The following IL36A variants were observed in gnomAD, a reference collection of about 807,000 sequenced individuals.
IL36A encodes the protein interleukin-36 alpha.
A neutral mutation model predicts 12.7 loss-of-function variants in IL36A; 13 were observed. That is an observed-to-expected ratio of 1.02 (90% CI 0.67 to 1.63). The LOEUF (loss-of-function observed/expected upper bound fraction) is 1.63. Ranked by LOEUF, IL36A falls within the 40% of genes most tolerant of loss-of-function variation. The pLI is 0.00. For synonymous variants in IL36A, 73 were observed against 71.9 expected (o/e 1.01, Z -0.08); for missense variants, 195 against 192.9 (o/e 1.01, Z -0.07).
At chr2:113,010,091 C>T (rs1684706210), downstream of IL36A, among the ~76,000 whole-genome samples, 1 of 152,072 alleles carries the variant, frequency 6.6e-6, no homozygotes, top group African/African-American at 2.4e-5. Flanking sequence ...ATTATGATTC[C>T]CAAAATAGTT....
rs1214216044 is a variant in IL36A at position 113,006,752 on chromosome 2, C to T, written c.264+15C>T. On this transcript the variant is annotated intron_variant, in intron 3 of 3. Coordinates refer to ENST00000259211, the MANE Select transcript of IL36A (RefSeq NM_014440.3). ...TGCAGCTGAAGGTGAGTGTGGAAGA[C>T]AGGTCCTGCCATTTATTTGATGGAA... The T allele has an allele frequency of 9.3e-6, 15 of 1,610,588 alleles. No homozygotes were observed. The highest frequency in any genetic ancestry group is 1.7e-5 in the Admixed American group (1 of 59,176).
downstream of IL36A, among the ~76,000 whole-genome samples, chr2:113,009,252 C>T (rs1046767805): frequency 6.7e-6 from 1 of 149,296 alleles, no homozygotes; most frequent in African/African-American, 2.5e-5. Flanking sequence ...GTCAGTGTGG[C>T]GATTTCTCAG....
chr2:113,010,174 G>A (rs527426512), downstream of IL36A, among the ~76,000 whole-genome samples: 1 of 152,218 alleles, frequency 6.6e-6, no homozygotes, highest in African/African-American at 2.4e-5. Flanking sequence ...GGAGGAAGAT[G>A]TGGAAATGCT....
At position 113,005,816 on chromosome 2, in the gene IL36A, C is replaced by G. The variant is rs200675990; in HGVS notation, c.-56C>G. The G allele has an allele frequency of 3.0e-4, 481 of 1,603,734 alleles. No individual in the cohort carries two copies. Among genetic ancestry groups the G allele is most frequent in the Admixed American group, 1.2e-3 (70 of 59,960 alleles). On this transcript the variant is annotated 5_prime_UTR_variant, in exon 1 of 4. Transcript: ENST00000259211. ...ACTGACTCAGGTCCTCTCTTGGGGT[C>G]GGTCTGCACATAAAAGGACTCCTAT...
At chr2:113,008,246 G>C (rs532610290), downstream of IL36A, among the ~76,000 whole-genome samples, 310 of 152,240 alleles carry the variant, frequency 2.0e-3, 1 homozygote, top group African/African-American at 7.1e-3. Context: ...GAAATTGAGG[G>C]CCTTGCCATG....
At chr2:113,005,921 G>T (rs1172011519) in intron 1 of IL36A, 40 bp downstream of exon 1, 10 of 1,612,900 alleles carry the variant, frequency 6.2e-6, no homozygotes, top group African/African-American at 1.3e-5. Context: ...TGACAAGGGG[G>T]TGATATTCTG....
downstream of IL36A, among the ~76,000 whole-genome samples, chr2:113,008,288 AAAT>A (rs1684669672): frequency 6.6e-6 from 1 of 152,204 alleles, no homozygotes; most frequent in African/African-American, 2.4e-5. Context: ...ACCATTACAA[AAAT>A]AATAAGGAAA....
Position 113,005,635 on chromosome 2 carries a change from G to A in IL36A, c.-237G>A, listed in dbSNP as rs1573353416. On this transcript the variant is annotated 5_prime_UTR_variant, in exon 1 of 4. Transcript: ENST00000259211. ...TTAGAGTTCCTGGGTCTAGGCCTGG[G>A]CAGGATTCATAGGTGCAGCTGCTTC... The A allele has an allele frequency of 6.6e-6, 4 of 602,572 alleles. No homozygotes were observed. In the East Asian group the frequency reaches 1.1e-4, roughly 17 times the overall value. The allele number at this position is 602,572 out of a possible 1,614,324, so 37.3% of individuals were successfully genotyped here. A position where few individuals can be genotyped will look rare whatever the true frequency, so the allele number is the denominator to read the frequency against.
downstream of IL36A, among the ~76,000 whole-genome samples, chr2:113,009,195 C>A (rs984061047): frequency 2.0e-5 from 3 of 151,850 alleles, no homozygotes; most frequent in African/African-American, 7.3e-5. Context: ...GTATATGTGG[C>A]ACATTTTCTT....
rs780927160 is a variant in IL36A, at chr2:113,005,956, T to C, written c.11-18T>C. The C allele has an allele frequency of 2.5e-6, 4 of 1,612,014 alleles. No individual in the cohort carries two copies. Among genetic ancestry groups the C allele is most frequent in the Non-Finnish European group, 3.4e-6 (4 of 1,178,030 alleles). On this transcript the variant is annotated intron_variant, in intron 1 of 3. Transcript: ENST00000259211. ...GTGCTCTCATTCTTACTAATTTACATTTTGACTTTCTCAACAGCATTGAAA... is the reference window on the plus strand; with the variant it reads ...GTGCTCTCATTCTTACTAATTTACACTTTGACTTTCTCAACAGCATTGAAA...
intron 3 of IL36A, 28 bp from the exon 4 acceptor site, chr2:113,007,804 T>C: frequency 6.4e-7 from 1 of 1,550,606 alleles, no homozygotes; most frequent in Non-Finnish European, 8.9e-7. Context: ...GTTATGTTTC[T>C]TGCTGGTGTC....
chr2:113,009,216 A>G (rs554563158), downstream of IL36A, among the ~76,000 whole-genome samples: 18 of 151,548 alleles, frequency 1.2e-4, no homozygotes, highest in South Asian at 3.4e-3. Flanking sequence ...AATCCAGTCT[A>G]TCGTTGTTGG....
chr2:113,006,852 G>A, intron 3 of IL36A, 115 bp downstream of exon 3: 1 of 1,073,452 alleles, frequency 9.3e-7, no homozygotes, highest in Admixed American at 2.6e-5. Context: ...TTTCCTTGGG[G>A]TTGGTATATG....
At chr2:113,010,744 C>T (rs2105030508), downstream of IL36A, among the ~76,000 whole-genome samples, 1 of 152,202 alleles carries the variant, frequency 6.6e-6, no homozygotes, top group East Asian at 1.9e-4. Flanking sequence ...ATGAGATATA[C>T]TTGCCTAATA....
chr2:113,006,460 G>T (rs1161942646), intron 2 of IL36A, 138 bp from the exon 3 acceptor site: 1 of 868,276 alleles, frequency 1.2e-6, no homozygotes, highest in Non-Finnish European at 1.8e-6. Context: ...TGGGTGTCCC[G>T]GTTAGGTGGT....
downstream of IL36A, among the ~76,000 whole-genome samples, chr2:113,010,353 TG>T (rs1182504251): frequency 6.6e-6 from 1 of 152,220 alleles, no homozygotes; most frequent in Non-Finnish European, 1.5e-5. Context: ...TCATTTCTCA[TG>T]GTTCCTACAA....
chr2:113,006,331 T>C (rs1684620682), intron 2 of IL36A, among the ~76,000 whole-genome samples: 1 of 152,178 alleles, frequency 6.6e-6, no homozygotes, highest in Non-Finnish European at 1.5e-5. Context: ...GTGGAAGACG[T>C]ATTCTGAGAA....
At chr2:113,009,711 G>C (rs1220421270), downstream of IL36A, among the ~76,000 whole-genome samples, 1 of 152,148 alleles carries the variant, frequency 6.6e-6, no homozygotes, top group Non-Finnish European at 1.5e-5. Flanking sequence ...CTCACTACTG[G>C]GGTGGGTGGG....
At chr2:113,007,749 T>A in intron 3 of IL36A, 83 bp from the exon 4 acceptor site, 3 of 1,125,120 alleles carry the variant, frequency 2.7e-6, no homozygotes, top group East Asian at 2.4e-5. Context: ...ATGCTATCCT[T>A]GGACGTGGAA....
Sources: allele counts gnomAD v4.1 joint callset (sites outside exome capture counted in the v4.1 genomes callset), GRCh38; gene constraint gnomAD v4.1.1; transcripts MANE v1.5; gene names NCBI Gene and HGNC (gene_info 2026-07-23, HGNC 2026-07-21).